Variants in CHDH observed in about 807,000 individuals in gnomAD.
CHDH encodes the protein choline dehydrogenase, mitochondrial.
Under a neutral mutation model 56.9 loss-of-function variants are expected in CHDH, and 43 were observed. The ratio of observed to expected loss-of-function variants is 0.76; its 90% CI spans 0.59 to 0.97. The LOEUF is 0.97. Among genes scored for constraint, CHDH ranks in the 50% least tolerant of loss-of-function variants. The pLI is 0.00. For synonymous variants in CHDH, 364 were observed against 348.5 expected, an observed-to-expected ratio of 1.04 and a Z score of -0.50; for missense variants, 816 against 821.1, an observed-to-expected ratio of 0.99 and a Z score of 0.08.
chr3:53,822,791 C>G, intron 3 of CHDH, 149 bp from the exon 4 acceptor site: 1 of 1,058,528 alleles, frequency 9.4e-7, no homozygotes, highest in Non-Finnish European at 1.3e-6. Context: ...AAAGACCCTG[C>G]AAGACCCTGC....
rs1358082673 is a variant in CHDH at position 53,819,019 on chromosome 3, C to T, written c.1285G>A (p.Gly429Ser). Residue 429 changes from glycine to serine, a missense_variant, in exon 8 of 9, where the codon GGC becomes AGC. By Grantham distance (56) the Gly-to-Ser change is moderately conservative. Transcript: ENST00000315251. The surrounding 1 kb of genome is among the most constrained non-coding windows in gnomAD (Gnocchi z 5.4). ...AGTTTGAGCCAGCCCACACTCGTGC[C>T]CCGCATGGGCCCCACATGTACCTAG... Reference protein sequence around the residue: ...AYQVHVGPMRGTSVGWLKLRS... With the variant: ...AYQVHVGPMRSTSVGWLKLRS... 1 of 1,613,036 alleles carries T rather than the reference C, an allele frequency of 6.2e-7. No homozygotes were observed. Among genetic ancestry groups the T allele is most frequent in the Admixed American group, 1.7e-5 (1 of 59,998 alleles).
chr3:53,835,752 C>T (rs937932612), intron 2 of CHDH, among the ~76,000 whole-genome samples: 2 of 152,222 alleles, frequency 1.3e-5, no homozygotes, highest in Non-Finnish European at 2.9e-5. Context: ...GGAGCAGCTA[C>T]CCCTGCTGAG....
rs1301787287 is a variant in CHDH at position 53,814,280 on chromosome 3, A to AG, written c.*3496dup. ...GTTTTGATAGGCAGCTGGCTGGTTT[A>AG]GAAAAACCAGTTAGCCATAGAACTG... On this transcript the variant is annotated 3_prime_UTR_variant, in exon 9 of 9. Coordinates refer to ENST00000315251, the MANE Select transcript of CHDH (RefSeq NM_018397.5). The AG allele has an allele frequency of 6.6e-6, 1 of 152,242 alleles. No individual in the cohort carries two copies. The highest frequency in any genetic ancestry group is 1.5e-5 in the Non-Finnish European group (1 of 68,042). 9.4% of individuals were successfully genotyped at this position (152,242 alleles called of 1,614,324 possible). A position where few individuals can be genotyped will look rare whatever the true frequency, so the allele number is the denominator to read the frequency against.
Position 53,818,925 on chromosome 3 carries a change from G to A in CHDH, c.1366+13C>T. 1 of 1,535,906 alleles carries A rather than the reference G, an allele frequency of 6.5e-7. No individual in the cohort carries two copies. The highest frequency in any genetic ancestry group is 9.0e-7 in the Non-Finnish European group (1 of 1,108,450). On this transcript the variant is annotated intron_variant, in intron 8 of 8. Transcript: ENST00000315251. ...TTTGTTCAAGCCCAGGAAGACACAGGTGGGTGAAGTACCTGTTGACAAGTA... is the reference window on the plus strand; with the variant it reads ...TTTGTTCAAGCCCAGGAAGACACAGATGGGTGAAGTACCTGTTGACAAGTA...
In CHDH at chr3:53,846,415, G is replaced by A. The variant is rs1278698912; in HGVS notation, c.-463C>T. 1.6e-6 allele frequency: 1 copy of A among 609,608 alleles called. No homozygotes were observed. Among genetic ancestry groups the A allele is most frequent in the Non-Finnish European group, 2.6e-6 (1 of 378,126 alleles). The allele number at this position is 609,608 out of a possible 1,614,324, so 37.8% of individuals were successfully genotyped here. On this transcript the variant is annotated 5_prime_UTR_variant, in exon 1 of 9. Coordinates refer to ENST00000315251, the MANE Select transcript of CHDH (RefSeq NM_018397.5). ...GGCCCATCCCTCCGAGCCCCAGCAG[G>A]CGAGGGCGCTGCGACCTGCCCCAGC...
chr3:53,821,582 T>C, intron 5 of CHDH, 65 bp downstream of exon 5: 1 of 1,428,456 alleles, frequency 7.0e-7, no homozygotes, highest in Non-Finnish European at 9.8e-7. Flanking sequence ...GCTAATAAGA[T>C]ACATACACTA....
intron 2 of CHDH, among the ~76,000 whole-genome samples, chr3:53,833,853 A>G (rs1698414010): frequency 6.6e-6 from 1 of 152,144 alleles, no homozygotes; most frequent in African/African-American, 2.4e-5. Context: ...GAAAAGACTC[A>G]TGTGACATGA....
In CHDH at chr3:53,816,472, A is replaced by G. The variant is rs1190572768; in HGVS notation, c.*1305T>C. 2 of 152,076 alleles carry G rather than the reference A, an allele frequency of 1.3e-5. No homozygotes were observed. The highest frequency in any genetic ancestry group is 2.9e-5 in the Non-Finnish European group (2 of 68,006). 9.4% of individuals were successfully genotyped at this position (152,076 alleles called of 1,614,324 possible). On this transcript the variant is annotated 3_prime_UTR_variant, in exon 9 of 9. Coordinates refer to ENST00000315251, the MANE Select transcript of CHDH (RefSeq NM_018397.5). ...TTTTTCCTCCAAAACTCCAGTCTTG[A>G]ATTTATTTTTCTTTCACACAGGGGC...
At chr3:53,821,564 C>T in intron 5 of CHDH, 83 bp downstream of exon 5, 2 of 1,236,660 alleles carry the variant, frequency 1.6e-6, no homozygotes, top group Admixed American at 1.8e-5. Flanking sequence ...ACCACCTCCC[C>T]ACTTCATGCT....
chr3:53,840,306 T>C (rs1273168748), intron 2 of CHDH, among the ~76,000 whole-genome samples: 1 of 152,152 alleles, frequency 6.6e-6, no homozygotes, highest in African/African-American at 2.4e-5. Context: ...GTGGGAGGAC[T>C]GCTTGAGGCC....
intron 2 of CHDH, among the ~76,000 whole-genome samples, chr3:53,827,598 A>G (rs1195040737): frequency 2.6e-5 from 4 of 152,114 alleles, no homozygotes; most frequent in Non-Finnish European, 5.9e-5. Context: ...AGCCTGGACT[A>G]CTGCACCTCA....
intron 4 of CHDH, 122 bp downstream of exon 4, chr3:53,822,369 G>T: frequency 1.1e-6 from 1 of 906,390 alleles, no homozygotes; most frequent in South Asian, 1.7e-5. Context: ...CCCTCCCCCC[G>T]CCATCACAGG....
chr3:53,832,141 C>T (rs1051734317), intron 2 of CHDH, among the ~76,000 whole-genome samples: 7 of 152,118 alleles, frequency 4.6e-5, no homozygotes, highest in African/African-American at 1.4e-4. Context: ...ACTCCAAAAA[C>T]CTGAAAGCAG....
At position 53,812,608 on chromosome 3, in the gene CHDH, T is replaced by C. The variant is rs1018607225; in HGVS notation, c.*5169A>G. 1 of 151,674 alleles carries C rather than the reference T, an allele frequency of 6.6e-6. No individual in the cohort carries two copies. The highest frequency in any genetic ancestry group is 1.5e-5 in the Non-Finnish European group (1 of 67,906). The allele number at this position is 151,674 out of a possible 1,614,324, so 9.4% of individuals were successfully genotyped here. On this transcript the variant is annotated 3_prime_UTR_variant, in exon 9 of 9. Transcript: ENST00000315251. ...ACCCTCTGGTAAGTAAGTAAGTGAA[T>C]TACAGAGCAGGTCCAGCTGGCTGCT...
At position 53,818,186 on chromosome 3, in the gene CHDH, A is replaced by C. The variant is rs1576774387; in HGVS notation, c.1376T>G (p.Ile459Ser). ...QPNYLSTETD[I>S]EDFRLCVKLT... ...CTTCACACACAGACGGAAATCCTCA[A>C]TATCAGTTTCTGTCGAGGAGAAGAA... Residue 459 changes from isoleucine to serine, a missense_variant, in exon 9 of 9, where the codon ATT (isoleucine) becomes AGT (serine). Physicochemically the swap from Ile to Ser is moderately radical, Grantham distance 142. Coordinates refer to ENST00000315251, the MANE Select transcript of CHDH (RefSeq NM_018397.5). The C allele has an allele frequency of 7.5e-6, 12 of 1,604,000 alleles. No individual in the cohort carries two copies. Among genetic ancestry groups the C allele is most frequent in the Non-Finnish European group, 1.0e-5 (12 of 1,175,782 alleles).
At chr3:53,829,267 A>G (rs1369084894) in intron 2 of CHDH, among the ~76,000 whole-genome samples, 3 of 152,222 alleles carry the variant, frequency 2.0e-5, no homozygotes. Context: ...GGCAGGCCAC[A>G]AAGGATTTTT....
intron 4 of CHDH, 103 bp from the exon 5 acceptor site, chr3:53,821,879 G>T: frequency 1.4e-6 from 2 of 1,451,566 alleles, no homozygotes; most frequent in Non-Finnish European, 1.9e-6. Context: ...ACAGCCTTGG[G>T]ATGTAGAATC....
At chr3:53,826,617 A>G (rs2106967470) in intron 2 of CHDH, among the ~76,000 whole-genome samples, 1 of 151,022 alleles carries the variant, frequency 6.6e-6, no homozygotes, top group East Asian at 2.0e-4. Context: ...AACTTGGTAA[A>G]GAATATCTAC....
chr3:53,822,498 C>T lies in CHDH; in HGVS notation c.848G>A (p.Ser283Asn), dbSNP rs201270449. ...CAGCTGCAGTCCACTCACCCTGTGG[C>T]TCTGGCCATTCTTGACATACTCCAC... ...VGVEYVKNGQ[S>N]HRAYASKEVI... The change falls in exon 4 of 9, where the codon AGC (serine) becomes AAC (asparagine). Residue 283 changes from serine (S) to asparagine (N), a missense_variant. Coordinates refer to ENST00000315251, the MANE Select transcript of CHDH (RefSeq NM_018397.5). 3.1e-6 allele frequency: 5 copies of T among 1,610,258 alleles called. No homozygotes were observed. Among genetic ancestry groups the T allele is most frequent in the Middle Eastern group, 1.7e-4 (1 of 6,048 alleles).
Sources: gnomAD v4.1 joint callset for allele counts (sites outside exome capture counted in the v4.1 genomes callset) on GRCh38, gnomAD v4.1.1 for gene constraint, Gnocchi (gnomAD v3.1) non-coding constraint, MANE v1.5 for transcripts, NCBI Gene and HGNC (gene_info 2026-07-23, HGNC 2026-07-21) for gene names.